The following CHN2 variants were observed in gnomAD, a reference collection of about 807,000 sequenced individuals.
CHN2 encodes the protein chimerin 2, also known as beta-chimaerin.
CHN2 carries 35 observed loss-of-function variants against 56.3 expected under a neutral mutation model. That is an observed-to-expected ratio of 0.62 (90% CI 0.47 to 0.82). CHN2 has a LOEUF of 0.82. Ranked by LOEUF, CHN2 falls within the 40% of genes least tolerant of loss-of-function variation. The pLI, the probability that CHN2 is intolerant of heterozygous loss-of-function variation, is 0.00. For missense variants in CHN2, 491 were observed against 580.5 expected (o/e 0.85, Z 1.58); for synonymous variants, 210 against 212.8 (o/e 0.99, Z 0.12).
intron 3 of CHN2, among the ~76,000 whole-genome samples, chr7:29,379,826 G>T (rs1285752119): frequency 6.6e-6 from 1 of 152,170 alleles, no homozygotes; most frequent in Admixed American, 6.5e-5. Flanking sequence ...TTTTAATGTG[G>T]AATAGAGAAC....
intron 10 of CHN2, among the ~76,000 whole-genome samples, 169 bp from the exon 11 acceptor site, chr7:29,507,059 C>T (rs1790648155): frequency 6.6e-6 from 1 of 152,142 alleles, no homozygotes; most frequent in African/African-American, 2.4e-5. Flanking sequence ...TCCCTCTCAC[C>T]AAACTCCTTT....
chr7:29,293,347 C>T (rs1465122786), intron 1 of CHN2, among the ~76,000 whole-genome samples: 7 of 127,818 alleles, frequency 5.5e-5, no homozygotes, highest in Admixed American at 5.1e-4. Flanking sequence ...CACCCTTCTT[C>T]TGAGGGCAGC....
intron 6 of CHN2, among the ~76,000 whole-genome samples, chr7:29,416,592 G>A (rs961044782): frequency 1.5e-4 from 23 of 152,186 alleles, no homozygotes; most frequent in African/African-American, 5.5e-4. Context: ...TACAGTAGGT[G>A]TGACCAGCGG....
intron 1 of CHN2, among the ~76,000 whole-genome samples, chr7:29,231,111 G>A (rs1326189113): frequency 6.6e-6 from 1 of 152,172 alleles, no homozygotes; most frequent in Non-Finnish European, 1.5e-5. Context: ...GTTCCAATAA[G>A]CTATATGGCA....
intron 1 of CHN2, among the ~76,000 whole-genome samples, chr7:29,339,224 T>C (rs952481071): frequency 6.6e-6 from 1 of 152,226 alleles, no homozygotes; most frequent in African/African-American, 2.4e-5. Context: ...CTAAATGTAA[T>C]TGTAAACAAC....
chr7:29,451,786 C>T (rs929503450), intron 6 of CHN2, among the ~76,000 whole-genome samples: 3 of 152,150 alleles, frequency 2.0e-5, no homozygotes, highest in Admixed American at 6.5e-5. Flanking sequence ...ATTAGCCCCC[C>T]GTCTTACAAT....
intron 1 of CHN2, among the ~76,000 whole-genome samples, chr7:29,269,017 T>G (rs245995): frequency 0.019 from 2,889 of 152,350 alleles, 30 homozygotes; most frequent in Middle Eastern, 0.031. Context: ...ATCAAGGTAA[T>G]TGGGATATTC....
At chr7:29,203,395 A>G (rs1784296235) in intron 1 of CHN2, among the ~76,000 whole-genome samples, 2 of 140,630 alleles carry the variant, frequency 1.4e-5, no homozygotes, top group Admixed American at 7.5e-5. Flanking sequence ...TGAATCCGGG[A>G]GAAAGAGGTT....
intron 1 of CHN2, among the ~76,000 whole-genome samples, chr7:29,234,337 C>T (rs1396626915): frequency 2.0e-5 from 3 of 152,172 alleles, no homozygotes; most frequent in South Asian, 2.1e-4. Flanking sequence ...ATGGTAATGA[C>T]GTAATGTCTG....
chr7:29,177,457 T>C (rs1272758173), intron 2 of CHN2, among the ~76,000 whole-genome samples: 1 of 152,128 alleles, frequency 6.6e-6, no homozygotes, highest in Non-Finnish European at 1.5e-5. Flanking sequence ...TTTCACCATG[T>C]TGGCCAGCCT....
At chr7:29,311,740 G>C (rs1201809874) in intron 1 of CHN2, among the ~76,000 whole-genome samples, 1 of 152,226 alleles carries the variant, frequency 6.6e-6, no homozygotes, top group Non-Finnish European at 1.5e-5. Flanking sequence ...GCCAAGCCCA[G>C]GGGCTGGCAT....
At chr7:29,400,450 C>CT (rs1475802415) in intron 5 of CHN2, 93 bp from the exon 6 acceptor site, 1 of 1,271,434 alleles carries the variant, frequency 7.9e-7, no homozygotes, top group Non-Finnish European at 1.1e-6. Flanking sequence ...CTGGGATACA[C>CT]TAAGTATTCA....
At chr7:29,215,173 A>AG (rs769367242) in intron 1 of CHN2, among the ~76,000 whole-genome samples, 3 of 152,208 alleles carry the variant, frequency 2.0e-5, no homozygotes, top group Non-Finnish European at 4.4e-5. Context: ...TAACAATTAA[A>AG]TATTTTAGTT....
chr7:29,200,997 T>C (rs1453024296), intron 1 of CHN2, among the ~76,000 whole-genome samples: 1 of 152,196 alleles, frequency 6.6e-6, no homozygotes, highest in Non-Finnish European at 1.5e-5. Context: ...TATAATTAAT[T>C]GTACACCTTT....
At chr7:29,366,432 G>C (rs1799167101) in intron 2 of CHN2, among the ~76,000 whole-genome samples, 1 of 152,170 alleles carries the variant, frequency 6.6e-6, no homozygotes, top group Non-Finnish European at 1.5e-5. Flanking sequence ...CAGGAGGGTG[G>C]TGCCATGGAA....
intron 3 of CHN2, among the ~76,000 whole-genome samples, chr7:29,375,190 CT>C (rs70980534): frequency 0.061 from 4,751 of 77,306 alleles, 728 homozygotes; most frequent in African/African-American, 0.12. Flanking sequence ...GTGCTCGGCC[CT>C]TTTTTTTTTT....
At chr7:29,288,298 T>A (rs1584967869) in intron 1 of CHN2, among the ~76,000 whole-genome samples, 1 of 152,106 alleles carries the variant, frequency 6.6e-6, no homozygotes, top group Admixed American at 6.5e-5. Flanking sequence ...ATAGCTGAGG[T>A]TCCTTCCTTA....
At chr7:29,442,930 A>ATTTTTTTTTTTTTTTTTTTTTT (rs1238691449) in intron 6 of CHN2, among the ~76,000 whole-genome samples, 6 of 102,178 alleles carry the variant, frequency 5.9e-5, no homozygotes, top group Admixed American at 9.3e-5. Flanking sequence ...ATTTCATTGA[A>ATTTTTTTTTTTTTTTTTTTTTT]TTTCTTTTTT....
chr7:29,212,473 G>A, intron 1 of CHN2: 1 of 1,591,254 alleles, frequency 6.3e-7, no homozygotes, highest in South Asian at 1.1e-5. Flanking sequence ...CTTCCTCCAT[G>A]GATCTGCTTA....
Sources: allele counts gnomAD v4.1 joint callset (sites outside exome capture counted in the v4.1 genomes callset), GRCh38; gene constraint gnomAD v4.1.1; transcripts MANE v1.5; gene names NCBI Gene and HGNC (gene_info 2026-07-23, HGNC 2026-07-21).